RBFOX1: variants seen among roughly 807,000 people sequenced by gnomAD.
The protein encoded by RBFOX1 is RNA binding protein fox-1 homolog 1.
Under a neutral mutation model 57.7 loss-of-function variants are expected in RBFOX1, and 8 were observed. That is an observed-to-expected ratio of 0.14 (90% confidence interval 0.08 to 0.25). The LOEUF (loss-of-function observed/expected upper bound fraction) is 0.25, where lower values mean the gene tolerates loss of function less well. Ranked by LOEUF, RBFOX1 falls within the 10% of genes least tolerant of loss-of-function variation. The pLI is 1.00. For synonymous variants in RBFOX1, 326 were observed against 222.4 expected, an observed-to-expected ratio of 1.47 and a Z score of -4.15; for missense variants, 611 against 548.5, an observed-to-expected ratio of 1.11 and a Z score of -1.14.
chr16:6,944,132 C>G (rs1236843666), intron 3 of RBFOX1, among the ~76,000 whole-genome samples: 1 of 151,878 alleles, frequency 6.6e-6, no homozygotes, highest in Non-Finnish European at 1.5e-5. Flanking sequence ...CACAGTGGCT[C>G]TTGCCTGTAA....
chr16:7,590,863 G>GAAA (rs36061659), intron 7 of RBFOX1, among the ~76,000 whole-genome samples: 7 of 102,880 alleles, frequency 6.8e-5, no homozygotes, highest in East Asian at 3.2e-4. Context: ...CTGTCTCTAA[G>GAAA]AAAAAAAAAA....
At chr16:6,863,531 A>T (rs2059369751) in intron 3 of RBFOX1, among the ~76,000 whole-genome samples, 1 of 151,990 alleles carries the variant, frequency 6.6e-6, no homozygotes, top group African/African-American at 2.4e-5. Flanking sequence ...TACTAATTAC[A>T]ATTATTTTCT....
intron 3 of RBFOX1, among the ~76,000 whole-genome samples, chr16:5,673,975 A>C (rs1017730611): frequency 2.0e-5 from 3 of 152,208 alleles, no homozygotes; most frequent in Admixed American, 6.5e-5. Flanking sequence ...TCCAGGGGAG[A>C]GGAAAGATAA....
At chr16:7,264,086 TACTC>T (rs1239192172) in intron 4 of RBFOX1, among the ~76,000 whole-genome samples, 5 of 152,112 alleles carry the variant, frequency 3.3e-5, no homozygotes, top group Admixed American at 3.3e-4. Flanking sequence ...CCCTGTTTCT[TACTC>T]ACAGTGATCT....
intron 1 of RBFOX1, among the ~76,000 whole-genome samples, chr16:5,364,118 A>G (rs553276461): frequency 1.4e-3 from 211 of 152,368 alleles, no homozygotes; most frequent in African/African-American, 5.0e-3. Flanking sequence ...AAGGTGTCAA[A>G]GGAGGTTTTG....
intron 1 of RBFOX1, among the ~76,000 whole-genome samples, chr16:5,441,340 G>T (rs1044543113): frequency 2.1e-4 from 31 of 149,528 alleles, no homozygotes; most frequent in African/African-American, 7.1e-4. Context: ...ACCTGAGACT[G>T]GTTAATTTAT....
chr16:7,358,382 G>A (rs900863966), intron 4 of RBFOX1, among the ~76,000 whole-genome samples: 5 of 152,060 alleles, frequency 3.3e-5, no homozygotes, highest in African/African-American at 9.7e-5. Flanking sequence ...TTTATTCAAG[G>A]AAAATTAAGA....
intron 2 of RBFOX1, among the ~76,000 whole-genome samples, chr16:5,470,954 C>G (rs540837620): frequency 3.2e-4 from 49 of 152,226 alleles, no homozygotes; most frequent in African/African-American, 1.1e-3. Context: ...TGGGTTCAAG[C>G]GATTCTACTG....
In RBFOX1 at chr16:5,946,683, A is replaced by G. The variant is rs2059406398; in HGVS notation, c.351+79348A>G. Among the ~76,000 whole-genome samples the G allele has an allele frequency of 6.6e-6, 1 of 152,314 alleles. No homozygotes were observed. The highest frequency in any genetic ancestry group is 1.9e-4 in the East Asian group (1 of 5,184). On this transcript the variant is annotated intron_variant, in intron 4 of 19. Transcript: ENST00000641259. The surrounding 1 kb of genome is among the most constrained non-coding windows in gnomAD (Gnocchi z 4.6). ...AGGGGGTTATGAGAATCTCTGATTT[A>G]TAACCAGATGGTGAGAAGGGAAGTA... is the stretch of plus-strand genomic sequence containing the variant.
At chr16:7,174,184 C>CT (rs142061515) in intron 4 of RBFOX1, among the ~76,000 whole-genome samples, 28,031 of 150,178 alleles carry the variant, frequency 0.19, 3,797 homozygotes, top group East Asian at 0.42. Context: ...CCATGATAAA[C>CT]TTTTTTTTTT....
At chr16:5,262,873 ACACT>A (rs968402664) in intron 1 of RBFOX1, among the ~76,000 whole-genome samples, 112 of 152,270 alleles carry the variant, frequency 7.4e-4, no homozygotes, top group African/African-American at 2.5e-3. Flanking sequence ...GAAAAGAAAA[ACACT>A]CACTCCATTG....
intron 4 of RBFOX1, among the ~76,000 whole-genome samples, chr16:7,436,681 G>C (rs1329940287): frequency 6.6e-6 from 1 of 152,196 alleles, no homozygotes; most frequent in Non-Finnish European, 1.5e-5. Context: ...GAGATGTCCT[G>C]AGCTCCAGCT....
At chr16:6,759,790 G>A (rs2076346329) in intron 3 of RBFOX1, among the ~76,000 whole-genome samples, 1 of 152,108 alleles carries the variant, frequency 6.6e-6, no homozygotes, top group African/African-American at 2.4e-5. Context: ...TGTGTGCCAA[G>A]ATGTGGCTAT....
chr16:5,855,858 G>A (rs2057012614), intron 3 of RBFOX1, among the ~76,000 whole-genome samples: 1 of 151,182 alleles, frequency 6.6e-6, no homozygotes, highest in Admixed American at 6.6e-5. Context: ...GTGAATATCG[G>A]ATGTCTTTGC....
intron 1 of RBFOX1, among the ~76,000 whole-genome samples, chr16:6,290,021 C>A (rs917445922): frequency 1.3e-5 from 2 of 151,628 alleles, no homozygotes; most frequent in Non-Finnish European, 2.9e-5. Context: ...AGAGATAACC[C>A]GTGGTTTTAA....
At chr16:5,719,348 C>T (rs2051841953) in intron 3 of RBFOX1, among the ~76,000 whole-genome samples, 1 of 151,428 alleles carries the variant, frequency 6.6e-6, no homozygotes, top group Admixed American at 6.6e-5. Flanking sequence ...ACTACAGGCA[C>T]CTGCCACCAT....
At chr16:6,906,674 A>T (rs1051709183) in intron 3 of RBFOX1, among the ~76,000 whole-genome samples, 1 of 152,058 alleles carries the variant, frequency 6.6e-6, no homozygotes, top group African/African-American at 2.4e-5. Flanking sequence ...GGGACTTAAA[A>T]AGAGCCTAGT....
At chr16:5,836,702 A>T (rs1358216647) in intron 3 of RBFOX1, among the ~76,000 whole-genome samples, 1 of 152,070 alleles carries the variant, frequency 6.6e-6, no homozygotes, top group Non-Finnish European at 1.5e-5. Flanking sequence ...GTGTTGTAGG[A>T]TGTTCAGCAG....
At chr16:6,112,829 C>G (rs1255203249) in intron 1 of RBFOX1, among the ~76,000 whole-genome samples, 1 of 152,170 alleles carries the variant, frequency 6.6e-6, no homozygotes, top group African/African-American at 2.4e-5. Context: ...TCTGAGAGAT[C>G]AGAGTAGGAT....
Sources: gnomAD v4.1 joint callset for allele counts (sites outside exome capture counted in the v4.1 genomes callset) on GRCh38, gnomAD v4.1.1 for gene constraint, Gnocchi (gnomAD v3.1) non-coding constraint, MANE v1.5 for transcripts, NCBI Gene and HGNC (gene_info 2026-07-23, HGNC 2026-07-21) for gene names.